The following PARD3B variants were observed in gnomAD, a reference collection of about 807,000 sequenced individuals.
The protein encoded by PARD3B is par-3 family cell polarity regulator beta, also known as partitioning defective 3 homolog B.
Under a neutral mutation model 130.2 loss-of-function variants are expected in PARD3B, and 103 were observed. The observed-to-expected ratio is 0.79, with a 90% CI of 0.67 to 0.93. PARD3B has a LOEUF of 0.93. Ranked by LOEUF, PARD3B falls within the 40% of genes least tolerant of loss-of-function variation. PARD3B has a pLI of 0.00. For synonymous variants in PARD3B, 583 were observed against 553.2 expected (o/e 1.05, Z -0.76); for missense variants, 1,609 against 1,499.2 (o/e 1.07, Z -1.21).
intron 2 of PARD3B, among the ~76,000 whole-genome samples, chr2:204,785,737 A>C (rs1239655788): frequency 6.6e-6 from 1 of 152,184 alleles, no homozygotes; most frequent in African/African-American, 2.4e-5. Context: ...ATAACTTAGT[A>C]AGTTTTATTT....
intron 1 of PARD3B, among the ~76,000 whole-genome samples, chr2:204,602,169 CA>C (rs2033539449): frequency 6.6e-6 from 1 of 151,984 alleles, no homozygotes; most frequent in Non-Finnish European, 1.5e-5. Context: ...ACAATGGAGC[CA>C]AAAGTCTCAT....
rs1205732208 is a variant in PARD3B at position 204,678,104 on chromosome 2, C to T, written c.121-8077C>T. 6.6e-6 allele frequency among the ~76,000 whole-genome samples: 1 copy of T among 152,058 alleles called. No individual in the cohort carries two copies. Among genetic ancestry groups the T allele is most frequent in the Admixed American group, 6.6e-5 (1 of 15,264 alleles). On this transcript the variant is annotated intron_variant, in intron 1 of 22. Transcript: ENST00000406610. This position sits in a 1 kb window ranked among gnomAD's most constrained non-coding sequence, Gnocchi z 4.2. ...GTATAGCTGGTGAGACAGGAGAGTC[C>T]CTGACTCCCTCGCAGGACTTGCGAT... is the stretch of plus-strand genomic sequence containing the variant.
intron 15 of PARD3B, among the ~76,000 whole-genome samples, chr2:205,210,608 C>T (rs1486616339): frequency 6.6e-6 from 1 of 152,010 alleles, no homozygotes; most frequent in African/African-American, 2.4e-5. Flanking sequence ...GTGTACTCCC[C>T]AGCCAGATGA....
chr2:204,857,429 T>A (rs1281962463), intron 2 of PARD3B, among the ~76,000 whole-genome samples: 1 of 152,162 alleles, frequency 6.6e-6, no homozygotes, highest in East Asian at 1.9e-4. Context: ...TCTAGGTTCA[T>A]GACTGAGGCC....
chr2:205,378,341 C>T lies in PARD3B; in HGVS notation c.2631-22672C>T, dbSNP rs544455708. Among the ~76,000 whole-genome samples, 6 of 152,268 alleles carry T rather than the reference C, an allele frequency of 3.9e-5. No individual in the cohort carries two copies. The South Asian group carries it at 6.2e-4, about 16-fold the overall frequency. Reference sequence around the variant, plus strand: ...AACAGGCAGGTTGAACAAAGGGATTCGAGGCCATTGGAGGCCTGGGTACTG... The same window carrying T: ...AACAGGCAGGTTGAACAAAGGGATTTGAGGCCATTGGAGGCCTGGGTACTG... On this transcript the variant is annotated intron_variant, in intron 18 of 22. Transcript: ENST00000406610.
At chr2:205,382,817 A>G (rs59140623) in intron 18 of PARD3B, among the ~76,000 whole-genome samples, 1 of 152,048 alleles carries the variant, frequency 6.6e-6, no homozygotes, top group Non-Finnish European at 1.5e-5. Flanking sequence ...CAGATTATTC[A>G]GTATTGGCCA....
At chr2:204,969,554 C>T (rs1026090333) in intron 3 of PARD3B, among the ~76,000 whole-genome samples, 5 of 152,044 alleles carry the variant, frequency 3.3e-5, no homozygotes, top group African/African-American at 4.8e-5. Flanking sequence ...TGTAGGTAAT[C>T]GATATTATTT....
chr2:204,841,661 C>A (rs1421033179), intron 2 of PARD3B, among the ~76,000 whole-genome samples: 1 of 152,034 alleles, frequency 6.6e-6, no homozygotes, highest in South Asian at 2.1e-4. Context: ...GCGATGAGGG[C>A]AAATTTTCTG....
chr2:205,492,319 C>T (rs4402739), intron 20 of PARD3B, among the ~76,000 whole-genome samples: 61,198 of 151,918 alleles, frequency 0.4, 12,797 homozygotes, highest in Admixed American at 0.5. Flanking sequence ...TCACCCTTTC[C>T]CTAAATTCAT....
intron 20 of PARD3B, among the ~76,000 whole-genome samples, chr2:205,487,533 G>A (rs2049493323): frequency 6.6e-6 from 1 of 152,084 alleles, no homozygotes; most frequent in Non-Finnish European, 1.5e-5. Context: ...TTAAAATTGT[G>A]TGGTCCATTA....
At chr2:204,898,260 TA>T (rs2046717023) in intron 2 of PARD3B, among the ~76,000 whole-genome samples, 1 of 152,092 alleles carries the variant, frequency 6.6e-6, no homozygotes, top group Non-Finnish European at 1.5e-5. Context: ...ATGTACAAGG[TA>T]AATGGAGTAT....
At chr2:205,462,923 A>G (rs2048499609) in intron 20 of PARD3B, among the ~76,000 whole-genome samples, 1 of 152,176 alleles carries the variant, frequency 6.6e-6, no homozygotes, top group South Asian at 2.1e-4. Context: ...CACGTATTGT[A>G]ATGAACCAAC....
chr2:204,601,280 A>G (rs1360067584), intron 1 of PARD3B, among the ~76,000 whole-genome samples: 1 of 151,960 alleles, frequency 6.6e-6, no homozygotes, highest in Non-Finnish European at 1.5e-5. Context: ...CATCTTAATG[A>G]GTGTCAGGTA....
chr2:204,695,509 A>G (rs889198197), intron 2 of PARD3B, among the ~76,000 whole-genome samples: 3 of 152,034 alleles, frequency 2.0e-5, no homozygotes, highest in Non-Finnish European at 4.4e-5. Flanking sequence ...GGCAGAGCAC[A>G]GGGCATTGAC....
At chr2:205,101,729 C>G (rs1278868191) in intron 4 of PARD3B, among the ~76,000 whole-genome samples, 1 of 152,128 alleles carries the variant, frequency 6.6e-6, no homozygotes, top group East Asian at 1.9e-4. Flanking sequence ...ATATATGCTA[C>G]AACATGGATG....
At chr2:205,197,214 T>C (rs756601974) in intron 15 of PARD3B, among the ~76,000 whole-genome samples, 1 of 152,180 alleles carries the variant, frequency 6.6e-6, no homozygotes, top group Non-Finnish European at 1.5e-5. Context: ...TTATTTTTTT[T>C]AATCAAGAAT....
intron 20 of PARD3B, among the ~76,000 whole-genome samples, chr2:205,468,490 C>G (rs765028033): frequency 6.6e-5 from 10 of 152,190 alleles, no homozygotes; most frequent in Non-Finnish European, 8.8e-5. Context: ...TCACCACAAG[C>G]TTTTCTTCAT....
chr2:205,089,330 C>T (rs913002659), intron 4 of PARD3B, among the ~76,000 whole-genome samples: 1 of 151,872 alleles, frequency 6.6e-6, no homozygotes, highest in East Asian at 1.9e-4. Flanking sequence ...GCCATCATGC[C>T]AGGCTAATTT....
intron 2 of PARD3B, among the ~76,000 whole-genome samples, chr2:204,926,164 T>C (rs1687601529): frequency 6.6e-6 from 1 of 152,052 alleles, no homozygotes; most frequent in African/African-American, 2.4e-5. Context: ...ACTAGGCACC[T>C]GGATTTGTCA....
Sources: gnomAD v4.1 joint callset for allele counts (sites outside exome capture counted in the v4.1 genomes callset) on GRCh38, gnomAD v4.1.1 for gene constraint, Gnocchi (gnomAD v3.1) non-coding constraint, MANE v1.5 for transcripts, NCBI Gene and HGNC (gene_info 2026-07-23, HGNC 2026-07-21) for gene names.